The following PITPNM2 variants were observed in gnomAD, a reference collection of about 807,000 sequenced individuals.
PITPNM2 encodes the protein membrane-associated phosphatidylinositol transfer protein 2.
A neutral mutation model predicts 132.2 loss-of-function variants in PITPNM2; 35 were observed. The observed-to-expected ratio is 0.26, with a 90% confidence interval of 0.20 to 0.35. PITPNM2 has a LOEUF of 0.35. PITPNM2 is among the 10% of genes least tolerant of loss of function. The pLI, the probability that PITPNM2 is intolerant of heterozygous loss-of-function variation, is 1.00. For synonymous variants in PITPNM2, 738 were observed against 799.2 expected, an observed-to-expected ratio of 0.92 and a Z score of 1.29; for missense variants, 1,332 against 1,912.0, an observed-to-expected ratio of 0.70 and a Z score of 5.66.
chr12:122,996,476 GC>G lies in PITPNM2; in HGVS notation c.1763del (p.Gly588AlafsTer17). On this transcript the variant is annotated frameshift_variant, in exon 13 of 26. Coordinates refer to ENST00000320201, the MANE Select transcript of PITPNM2 (RefSeq NM_020845.3). LOFTEE classifies it high-confidence loss of function. ...VSESQSSSRR[G>X]SVVSMQDNDL... ...TGGGTACCTGCATGCTGACCACGCT[GC>G]CCCGGCGGCTGCTGCTCTGACTCTC... The G allele has an allele frequency of 6.2e-7, 1 of 1,613,126 alleles. No individual in the cohort carries two copies. The highest frequency in any genetic ancestry group is 8.5e-7 in the Non-Finnish European group (1 of 1,180,002).
intron 2 of PITPNM2, among the ~76,000 whole-genome samples, chr12:123,041,471 C>T (rs1182953853): frequency 6.6e-6 from 1 of 152,168 alleles, no homozygotes; most frequent in East Asian, 1.9e-4. Context: ...CACTTTCTCC[C>T]TGGTTGAGCT....
intron 3 of PITPNM2, among the ~76,000 whole-genome samples, chr12:123,028,216 C>T (rs2039936185): frequency 6.6e-6 from 1 of 152,220 alleles, no homozygotes; most frequent in South Asian, 2.1e-4. Flanking sequence ...ATGGCCCTCT[C>T]CCAGCCAGGC....
rs1035858148 is a variant in PITPNM2, at chr12:122,986,038, C to T, written c.4039G>A (p.Gly1347Ser). 4 of 1,402,846 alleles carry T rather than the reference C, an allele frequency of 2.9e-6. No individual in the cohort carries two copies. In the African/African-American group the frequency reaches 4.6e-5, roughly 16 times the overall value. 86.9% of individuals were successfully genotyped at this position (1,402,846 alleles called of 1,614,324 possible). A position where few individuals can be genotyped will look rare whatever the true frequency, so the allele number is the denominator to read the frequency against. The change falls in exon 26 of 26, where the codon GGC becomes AGC. Residue 1347 changes from glycine (G) to serine (S), a missense_variant. Gly to Ser is a moderately conservative substitution (Grantham distance 56). Around this residue, in one of 6 missense-constraint regions of PITPNM2, gnomAD observed 163 missense variants for 177.2 expected, o/e 0.92. Coordinates refer to ENST00000320201, the MANE Select transcript of PITPNM2 (RefSeq NM_020845.3). ...GCACTCACGGTGCCCTACTTGGGGC[C>T]CGCGGCTGCCCCCGGCTCCAGGCGG... ...TGRLEPGAAAGPK is the reference protein window; with the variant it reads ...TGRLEPGAAASPK
rs1210533728 is a variant in PITPNM2, at chr12:123,150,357, A to AG, written c.-200+395_-200+396insC. Reference sequence around the variant, plus strand: ...AGCAGAGAAGGCGGGCCGGGGGCTCACCTCCGCTTCCTCCCGATAGCCCCT... The same window carrying AG: ...AGCAGAGAAGGCGGGCCGGGGGCTCAGCCTCCGCTTCCTCCCGATAGCCCCT... On this transcript the variant is annotated intron_variant, in intron 1 of 25. Coordinates refer to ENST00000320201, the MANE Select transcript of PITPNM2 (RefSeq NM_020845.3). The surrounding 1 kb of genome is among the most constrained non-coding windows in gnomAD (Gnocchi z 6.0). Among the ~76,000 whole-genome samples, 1 of 144,998 alleles carries AG rather than the reference A, an allele frequency of 6.9e-6. No homozygotes were observed.
intron 1 of PITPNM2, among the ~76,000 whole-genome samples, chr12:123,125,864 GTTTTTTTTTT>G (rs373787897): frequency 1.5e-5 from 1 of 64,862 alleles, no homozygotes; most frequent in Non-Finnish European, 2.7e-5. Context: ...AAAAATTAGG[GTTTTTTTTTT>G]TTTTTTTTTT....
chr12:123,018,591 C>G lies in PITPNM2; in HGVS notation c.79-4549G>C, dbSNP rs533368999. Among the ~76,000 whole-genome samples, 23 of 151,078 alleles carry G rather than the reference C, an allele frequency of 1.5e-4. 1 individual carries two copies. In the South Asian group the frequency reaches 4.0e-3, roughly 26 times the overall value. The stretch of plus-strand genomic sequence containing the variant: ...CTGGGATTACAGGCATGAGCCACTA[C>G]GCCCAGACATGCTCAACTAATTAAA... On this transcript the variant is annotated intron_variant, in intron 3 of 25. Coordinates refer to ENST00000320201, the MANE Select transcript of PITPNM2 (RefSeq NM_020845.3).
intron 1 of PITPNM2, among the ~76,000 whole-genome samples, chr12:123,145,796 T>G (rs1450409238): frequency 6.6e-6 from 1 of 152,136 alleles, no homozygotes; most frequent in Non-Finnish European, 1.5e-5. Context: ...CTGGGCAACA[T>G]AGCAAGACGT....
chr12:123,072,788 T>C (rs1321728550), intron 2 of PITPNM2, among the ~76,000 whole-genome samples: 1 of 152,238 alleles, frequency 6.6e-6, no homozygotes, highest in Non-Finnish European at 1.5e-5. Context: ...AACTGAACGT[T>C]GGACCAAATA....
chr12:123,068,569 T>C (rs944734789), intron 2 of PITPNM2, among the ~76,000 whole-genome samples: 1 of 152,222 alleles, frequency 6.6e-6, no homozygotes, highest in Non-Finnish European at 1.5e-5. Flanking sequence ...TGCAGGTCTT[T>C]CTAATCAGAA....
intron 1 of PITPNM2, among the ~76,000 whole-genome samples, chr12:123,140,135 G>T (rs966020000): frequency 4.6e-5 from 7 of 152,188 alleles, no homozygotes; most frequent in African/African-American, 1.7e-4. Context: ...CAAGAACCAG[G>T]TTCAGCTGCT....
At chr12:123,063,481 G>T (rs900962355) in intron 2 of PITPNM2, among the ~76,000 whole-genome samples, 2 of 152,216 alleles carry the variant, frequency 1.3e-5, no homozygotes, top group African/African-American at 4.8e-5. Flanking sequence ...GTTCTGTGAC[G>T]TTGCTTAAAT....
chr12:122,989,713 G>T, intron 18 of PITPNM2, 74 bp downstream of exon 18: 2 of 1,294,968 alleles, frequency 1.5e-6, no homozygotes, highest in South Asian at 2.6e-5. Flanking sequence ...GGGTCTAGGT[G>T]GGCAGAGCCT....
intron 2 of PITPNM2, chr12:123,081,069 A>G (rs2041949238): frequency 6.6e-6 from 1 of 152,254 alleles, no homozygotes; most frequent in African/African-American, 2.4e-5. Context: ...GCCTGAGGAG[A>G]TGACAAGTGT....
intron 1 of PITPNM2, among the ~76,000 whole-genome samples, chr12:123,140,397 T>C (rs1335314894): frequency 6.6e-6 from 1 of 152,114 alleles, no homozygotes; most frequent in Non-Finnish European, 1.5e-5. Flanking sequence ...GCCCTATTCA[T>C]GAGGTCAGCT....
intron 1 of PITPNM2, among the ~76,000 whole-genome samples, chr12:123,112,625 G>A (rs538486770): frequency 3.3e-4 from 49 of 148,916 alleles, no homozygotes; most frequent in African/African-American, 1.1e-3. Context: ...TGCAAGCTCC[G>A]CCTCCCGGGT....
At chr12:123,049,014 G>C (rs1429125479) in intron 2 of PITPNM2, among the ~76,000 whole-genome samples, 5 of 152,100 alleles carry the variant, frequency 3.3e-5, no homozygotes, top group Non-Finnish European at 7.4e-5. Flanking sequence ...TGTACCTGTA[G>C]TCCCAGCTAC....
At chr12:123,114,750 A>T (rs1257019550) in intron 1 of PITPNM2, among the ~76,000 whole-genome samples, 2 of 152,156 alleles carry the variant, frequency 1.3e-5, no homozygotes, top group African/African-American at 4.8e-5. Context: ...TACCTAATTC[A>T]TAGAATGGCT....
At position 123,077,628 on chromosome 12, in the gene PITPNM2, C is replaced by T. The variant is rs1014105259; in HGVS notation, c.-96+32757G>A. 1.3e-5 allele frequency among the ~76,000 whole-genome samples: 2 copies of T among 152,200 alleles called. No individual in the cohort carries two copies. The highest frequency in any genetic ancestry group is 2.9e-5 in the Non-Finnish European group (2 of 68,038). On this transcript the variant is annotated intron_variant, in intron 2 of 25. Transcript: ENST00000320201. The surrounding 1 kb of genome is among the most constrained non-coding windows in gnomAD (Gnocchi z 4.8). Reference sequence around the variant, plus strand: ...CTCCACGCACCCAAACTCTGCTGTGCCCCCTCTGAGTTCTGAGCATGCCAG... The same window carrying T: ...CTCCACGCACCCAAACTCTGCTGTGTCCCCTCTGAGTTCTGAGCATGCCAG...
chr12:123,087,948 C>T (rs10848428), intron 2 of PITPNM2: 82,856 of 152,182 alleles, frequency 0.54, 27,087 homozygotes, highest in Non-Finnish European at 0.71. Flanking sequence ...CTTTTCACTC[C>T]AGCCTCTACA....
Sources: allele counts gnomAD v4.1 joint callset (sites outside exome capture counted in the v4.1 genomes callset), GRCh38; gene constraint gnomAD v4.1.1; regional missense constraint gnomAD v4.1.1; non-coding constraint Gnocchi (gnomAD v3.1); transcripts MANE v1.5; gene names NCBI Gene and HGNC (gene_info 2026-07-23, HGNC 2026-07-21).